The following ADAMTS8 variants were observed in gnomAD, a reference collection of about 807,000 sequenced individuals.
The protein encoded by ADAMTS8 is A disintegrin and metalloproteinase with thrombospondin motifs 8.
Under a neutral mutation model 64.4 loss-of-function variants are expected in ADAMTS8, and 50 were observed. The observed-to-expected ratio is 0.78, with a 90% CI of 0.62 to 0.98. The LOEUF is 0.98. Among genes scored for constraint, ADAMTS8 ranks in the 50% least tolerant of loss-of-function variants. The pLI, the probability that ADAMTS8 is intolerant of heterozygous loss-of-function variation, is 0.00. For missense variants in ADAMTS8, 1,192 were observed against 1,208.2 expected (o/e 0.99, Z 0.20); for synonymous variants, 556 against 533.6 (o/e 1.04, Z -0.58).
intron 6 of ADAMTS8, among the ~76,000 whole-genome samples, chr11:130,410,428 A>G (rs1861938416): frequency 1.3e-5 from 2 of 152,164 alleles, no homozygotes; most frequent in Admixed American, 6.6e-5. Context: ...CTTGCACCCT[A>G]TATTCATTCT....
chr11:130,418,903 C>T (rs1862061270), intron 2 of ADAMTS8, 150 bp downstream of exon 2: 10 of 1,159,872 alleles, frequency 8.6e-6, no homozygotes, highest in Non-Finnish European at 1.0e-5. Context: ...GTCCTCATGA[C>T]CTCCTCATCA....
Position 130,411,631 on chromosome 11 carries a change from A to C in ADAMTS8, c.1567-31T>G. The C allele has an allele frequency of 6.2e-7, 1 of 1,610,658 alleles. No homozygotes were observed. Among genetic ancestry groups the C allele is most frequent in the Non-Finnish European group, 8.5e-7 (1 of 1,177,696 alleles). ...ACATACAATGGCACACTGAATGAGGAGCAAAGGCCAGGAGGCTTCAGTATC... is the reference window on the plus strand; with the variant it reads ...ACATACAATGGCACACTGAATGAGGCGCAAAGGCCAGGAGGCTTCAGTATC... On this transcript the variant is annotated intron_variant, in intron 5 of 8. Transcript: ENST00000257359. The surrounding 1 kb of genome is among the most constrained non-coding windows in gnomAD (Gnocchi z 4.2).
chr11:130,405,276 T>TGAG lies in ADAMTS8; in HGVS notation c.*279_*281dup. ...ACAGACTGACGCTGAGTGTCCTGTC[T>TGAG]GAGTCAATAAGTGCACTTTTACCTT... is the stretch of plus-strand genomic sequence containing the variant. On this transcript the variant is annotated 3_prime_UTR_variant, in exon 9 of 9. Transcript: ENST00000257359. 8.1e-7 allele frequency: 1 copy of TGAG among 1,227,770 alleles called. No homozygotes were observed. The highest frequency in any genetic ancestry group is 3.9e-5 in the Admixed American group (1 of 25,662). 76.1% of individuals were successfully genotyped at this position (1,227,770 alleles called of 1,614,324 possible). A position where few individuals can be genotyped will look rare whatever the true frequency, so the allele number is the denominator to read the frequency against.
chr11:130,425,245 G>A (rs1455926526), intron 1 of ADAMTS8, among the ~76,000 whole-genome samples: 1 of 152,142 alleles, frequency 6.6e-6, no homozygotes, highest in Admixed American at 6.5e-5. Context: ...ACAAAATCGG[G>A]TGCAAACCCA....
intron 4 of ADAMTS8, 63 bp from the exon 5 acceptor site, chr11:130,414,895 A>G (rs1862002079): frequency 2.1e-6 from 3 of 1,451,628 alleles, no homozygotes; most frequent in African/African-American, 1.4e-5. Context: ...TCAGCTCTTC[A>G]TGGCCTGTGA....
chr11:130,405,839 C>A lies in ADAMTS8; in HGVS notation c.2389G>T (p.Val797Phe). The change falls in exon 9 of 9, where the codon GTC becomes TTC. Residue 797 changes from valine (V) to phenylalanine (F), a missense_variant. Around this residue, in one of 5 missense-constraint regions of ADAMTS8, gnomAD observed 147 missense variants for 154.1 expected, o/e 0.95. Coordinates refer to ENST00000257359, the MANE Select transcript of ADAMTS8 (RefSeq NM_007037.6). ...GTGTATTTGACTTTTGGGGGGAAGA[C>A]CTCGCCAGGGACTGTCAGGAGCTGC... is the stretch of plus-strand genomic sequence containing the variant. ...TVQLLTVPGE[V>F]FPPKVKYTFF... 6.2e-7 allele frequency: 1 copy of A among 1,614,002 alleles called. No homozygotes were observed. Among genetic ancestry groups the A allele is most frequent in the African/African-American group, 1.3e-5 (1 of 75,070 alleles).
At position 130,427,809 on chromosome 11, in the gene ADAMTS8, G is replaced by A; in HGVS notation, c.478C>T (p.Pro160Ser). ...TCCCACTCGGGTCCTCGCGGGAGGGGGCGGGCTCCGGCGGGACCCCAGCGC... is the reference window on the plus strand; with the variant it reads ...TCCCACTCGGGTCCTCGCGGGAGGGAGCGGGCTCCGGCGGGACCCCAGCGC... ...LQRWGPAGAR[P>S]LPRGPEWEVE... Residue 160 changes from proline to serine, a missense_variant, in exon 1 of 9, where the codon CCC (proline) becomes TCC (serine). Pro to Ser is a moderately conservative substitution (Grantham distance 74). Coordinates refer to ENST00000257359, the MANE Select transcript of ADAMTS8 (RefSeq NM_007037.6). 6.4e-7 allele frequency: 1 copy of A among 1,561,638 alleles called. No individual in the cohort carries two copies. The highest frequency in any genetic ancestry group is 8.7e-7 in the Non-Finnish European group (1 of 1,155,826).
Position 130,416,142 on chromosome 11 carries a change from G to T in ADAMTS8, c.1264+21C>A. ...GAAGGAGGCCCACGGGGACAAGTAG[G>T]GCGGGGCCGCCGGTGCCTACCGTGC... On this transcript the variant is annotated intron_variant, in intron 4 of 8. Coordinates refer to ENST00000257359, the MANE Select transcript of ADAMTS8 (RefSeq NM_007037.6). This position sits in a 1 kb window ranked among gnomAD's most constrained non-coding sequence, Gnocchi z 4.8. 1 of 1,550,672 alleles carries T rather than the reference G, an allele frequency of 6.4e-7. No individual in the cohort carries two copies.
At chr11:130,410,187 G>T (rs1326615982) in intron 6 of ADAMTS8, among the ~76,000 whole-genome samples, 3 of 152,108 alleles carry the variant, frequency 2.0e-5, no homozygotes, top group Admixed American at 6.5e-5. Context: ...CTTTCTCCGA[G>T]CGCCTCACCA....
chr11:130,415,075 C>T (rs1454424817), intron 4 of ADAMTS8, among the ~76,000 whole-genome samples: 1 of 152,228 alleles, frequency 6.6e-6, no homozygotes, highest in African/African-American at 2.4e-5. Context: ...TTGCCCCCGA[C>T]ATTCTGTGTA....
Position 130,419,054 on chromosome 11 carries a change from T to C in ADAMTS8, c.959A>G (p.Gln320Arg), listed in dbSNP as rs777394055. The change falls in exon 2 of 9, where the codon CAG becomes CGG. Residue 320 changes from glutamine (Q) to arginine (R), a missense_variant and splice_region_variant. Around this residue, in one of 5 missense-constraint regions of ADAMTS8, gnomAD observed 741 missense variants for 710.6 expected, o/e 1.04. Coordinates refer to ENST00000257359, the MANE Select transcript of ADAMTS8 (RefSeq NM_007037.6). ...HYDTAILLTRQNFCGQEGLCD... is the reference protein window; with the variant it reads ...HYDTAILLTRRNFCGQEGLCD... ...GGGCTTCCGGAGCCAGGCACGGACCTGTCTGGTGAGCAGGATGGCCGTGTC... is the reference window on the plus strand; with the variant it reads ...GGGCTTCCGGAGCCAGGCACGGACCCGTCTGGTGAGCAGGATGGCCGTGTC... The C allele has an allele frequency of 4.3e-6, 7 of 1,614,120 alleles. No individual in the cohort carries two copies. The highest frequency in any genetic ancestry group is 5.9e-6 in the Non-Finnish European group (7 of 1,180,034).
chr11:130,426,410 G>A (rs887459153), intron 1 of ADAMTS8, among the ~76,000 whole-genome samples: 2 of 152,218 alleles, frequency 1.3e-5, no homozygotes, highest in Non-Finnish European at 2.9e-5. Context: ...GCCTAGTATT[G>A]GGTCCCGGCC....
At chr11:130,408,441 A>C in intron 8 of ADAMTS8, 23 bp downstream of exon 8, 2 of 1,612,422 alleles carry the variant, frequency 1.2e-6, no homozygotes, top group Non-Finnish European at 1.7e-6. Context: ...CAAGCAAGGT[A>C]CAGAACTTCT....
At chr11:130,406,788 T>G (rs1423009814) in intron 8 of ADAMTS8, among the ~76,000 whole-genome samples, 4 of 152,232 alleles carry the variant, frequency 2.6e-5, no homozygotes, top group African/African-American at 7.2e-5. Context: ...GGAAACTGTT[T>G]CCAGTCCATT....
chr11:130,408,836 G>T lies in ADAMTS8; in HGVS notation c.1855C>A (p.Pro619Thr), dbSNP rs1861917841. The change falls in exon 7 of 9, where the codon CCC becomes ACC. Residue 619 changes from proline (P) to threonine (T), a missense_variant. Transcript: ENST00000257359. The part of the protein sequence containing the change: ...QWVPKYAGVS[P>T]RDRCKLFCRA... ...CAGAACAACTTGCAGCGGTCCCGGG[G>T]GGACACCCCAGCATACTTGGGGACC... 6.2e-7 allele frequency: 1 copy of T among 1,613,900 alleles called. No homozygotes were observed. Among genetic ancestry groups the T allele is most frequent in the Non-Finnish European group, 8.5e-7 (1 of 1,179,946 alleles).
In ADAMTS8 at chr11:130,414,109, C is replaced by T. The variant is rs114631013; in HGVS notation, c.1566+422G>A. ...AGAAGTCCTATGTTGCAGCCTGGCCCGAAGTTTCTTTTCTTTTTTTTTTTT... is the reference window on the plus strand; with the variant it reads ...AGAAGTCCTATGTTGCAGCCTGGCCTGAAGTTTCTTTTCTTTTTTTTTTTT... On this transcript the variant is annotated intron_variant, in intron 5 of 8. Coordinates refer to ENST00000257359, the MANE Select transcript of ADAMTS8 (RefSeq NM_007037.6). Among the ~76,000 whole-genome samples, 476 of 150,376 alleles carry T rather than the reference C, an allele frequency of 3.2e-3. 1 individual carries two copies. The highest frequency in any genetic ancestry group is 0.012 in the African/African-American group (469 of 40,440).
At position 130,416,208 on chromosome 11, in the gene ADAMTS8, G is replaced by C; in HGVS notation, c.1219C>G (p.Pro407Ala). ...TCTGTGAGATACATGGCGCTGCAGG[G>C]GGACCAGGGCAGCGTCTGGTTCAGG... ...VHLNQTLPWS[P>A]CSAMYLTELL... The change falls in exon 4 of 9, where the codon CCC becomes GCC. Residue 407 changes from proline (P) to alanine (A), a missense_variant. This residue lies in a region of ADAMTS8 where 741 missense variants were observed against 710.6 expected (regional missense o/e 1.04). Coordinates refer to ENST00000257359, the MANE Select transcript of ADAMTS8 (RefSeq NM_007037.6). This position sits in a 1 kb window ranked among gnomAD's most constrained non-coding sequence, Gnocchi z 4.8. 5 of 1,598,070 alleles carry C rather than the reference G, an allele frequency of 3.1e-6. No homozygotes were observed. The highest frequency in any genetic ancestry group is 3.4e-6 in the Non-Finnish European group (4 of 1,172,990).
At chr11:130,417,536 C>T (rs1179026355) in intron 2 of ADAMTS8, among the ~76,000 whole-genome samples, 3 of 152,038 alleles carry the variant, frequency 2.0e-5, no homozygotes, top group African/African-American at 4.8e-5. Flanking sequence ...GGATTACAGC[C>T]GTGAGCCACC....
chr11:130,410,673 C>T (rs1231851634), intron 6 of ADAMTS8, among the ~76,000 whole-genome samples: 1 of 152,242 alleles, frequency 6.6e-6, no homozygotes, highest in Non-Finnish European at 1.5e-5. Flanking sequence ...CCTGGAGCTG[C>T]ACACTGGGCA....
Sources: gnomAD v4.1 joint callset for allele counts (sites outside exome capture counted in the v4.1 genomes callset) on GRCh38, gnomAD v4.1.1 for gene constraint, gnomAD v4.1.1 regional missense constraint, Gnocchi (gnomAD v3.1) non-coding constraint, MANE v1.5 for transcripts, NCBI Gene and HGNC (gene_info 2026-07-23, HGNC 2026-07-21) for gene names.